Variants in NINL observed in about 807,000 individuals in gnomAD.
NINL encodes the protein ninein-like protein.
NINL carries 153 observed loss-of-function variants against 160.3 expected under a neutral mutation model. The observed-to-expected ratio is 0.95, with a 90% confidence interval of 0.84 to 1.09. The LOEUF is 1.09. Ranked by LOEUF, NINL falls within the 50% of genes least tolerant of loss-of-function variation. NINL has a pLI of 0.00. For synonymous variants in NINL, 800 were observed against 734.8 expected (o/e 1.09, Z -1.43); for missense variants, 1,829 against 1,764.0 (o/e 1.04, Z -0.66).
chr20:25,457,821 C>T (rs1052992374), intron 22 of NINL, among the ~76,000 whole-genome samples: 2 of 152,192 alleles, frequency 1.3e-5, no homozygotes, highest in Non-Finnish European at 2.9e-5. Context: ...GCTTTAAAGT[C>T]GCCAACCCAT....
chr20:25,476,257 G>C lies in NINL; in HGVS notation c.3034C>G (p.His1012Asp), dbSNP rs1257185098. Residue 1012 changes from histidine (H) to aspartate (D), a missense_variant, in exon 17 of 24, where the codon CAC becomes GAC. Physicochemically the swap from His to Asp is moderately conservative, Grantham distance 81 (BLOSUM62 -1). Coordinates refer to ENST00000278886, the MANE Select transcript of NINL (RefSeq NM_025176.6). ...CCTCTCCTGGCAACCTCCACACTGT[G>C]CTTGTGACACCCAGGCTCCAGGGCG... ...EGALEPGCHKHSVEVARRGSL... is the reference protein window; with the variant it reads ...EGALEPGCHKDSVEVARRGSL... 2 of 1,613,812 alleles carry C rather than the reference G, an allele frequency of 1.2e-6. No individual in the cohort carries two copies. The highest frequency in any genetic ancestry group is 1.7e-6 in the Non-Finnish European group (2 of 1,180,004).
intron 1 of NINL, among the ~76,000 whole-genome samples, chr20:25,571,965 G>A (rs2065059316): frequency 6.7e-6 from 1 of 148,698 alleles, no homozygotes; most frequent in South Asian, 2.1e-4. Context: ...ATTTTCAACA[G>A]CACTGAAGCT....
At chr20:25,465,771 CAG>C (rs1568844812) in intron 19 of NINL, among the ~76,000 whole-genome samples, 2 of 152,162 alleles carry the variant, frequency 1.3e-5, no homozygotes, top group Admixed American at 6.5e-5. Flanking sequence ...CATGGCTGAA[CAG>C]AGTCATAGTT....
chr20:25,567,934 A>T (rs2065013184), intron 1 of NINL, among the ~76,000 whole-genome samples: 1 of 152,068 alleles, frequency 6.6e-6, no homozygotes, highest in South Asian at 2.1e-4. Context: ...CAGCTAAAGC[A>T]GTTCTCAGAG....
chr20:25,460,291 G>C (rs2062750843), intron 21 of NINL, among the ~76,000 whole-genome samples: 1 of 152,202 alleles, frequency 6.6e-6, no homozygotes, highest in Non-Finnish European at 1.5e-5. Context: ...GAAGCCCCCA[G>C]CTTCCTGATG....
rs900014565 is a variant in NINL, at chr20:25,476,449, T to C, written c.2842A>G (p.Arg948Gly). The change falls in exon 17 of 24, where the codon AGA becomes GGA. Residue 948 changes from arginine (R) to glycine (G), a missense_variant. Transcript: ENST00000278886. ...ARELPLLGTE[R>G]DASQTQPRMW... is the part of the protein sequence containing the mutation. ...CGTGGCTGGGTTTGCGAGGCGTCTC[T>C]CTCTGTTCCCAGCAGAGGCAGCTCC... 1.9e-6 allele frequency: 3 copies of C among 1,608,340 alleles called. No individual in the cohort carries two copies. The highest frequency in any genetic ancestry group is 2.5e-6 in the Non-Finnish European group (3 of 1,179,794).
chr20:25,516,512 A>G (rs1193963148), intron 3 of NINL, among the ~76,000 whole-genome samples: 1 of 152,166 alleles, frequency 6.6e-6, no homozygotes, highest in East Asian at 1.9e-4. Flanking sequence ...TGCGCCCACC[A>G]TGCACCAAGG....
At chr20:25,513,066 G>C (rs374384498) in intron 3 of NINL, 60 bp from the exon 4 acceptor site, 1 of 1,525,316 alleles carries the variant, frequency 6.6e-7, no homozygotes, top group African/African-American at 1.4e-5. Flanking sequence ...GCCCATGCAG[G>C]CCAGCAGGTA....
chr20:25,461,697 G>A (rs866591851), intron 20 of NINL, 62 bp from the exon 21 acceptor site: 17 of 1,142,510 alleles, frequency 1.5e-5, no homozygotes, highest in African/African-American at 3.1e-5. Context: ...TATGTAATTC[G>A]TGCAAAAACC....
At chr20:25,494,618 G>T (rs2146721872) in intron 10 of NINL, among the ~76,000 whole-genome samples, 1 of 152,346 alleles carries the variant, frequency 6.6e-6, no homozygotes, top group East Asian at 1.9e-4. Context: ...GCGAACAGAG[G>T]CGGGGTGAGG....
chr20:25,537,513 G>A (rs901722786), intron 1 of NINL, among the ~76,000 whole-genome samples: 6 of 152,240 alleles, frequency 3.9e-5, no homozygotes, highest in African/African-American at 1.4e-4. Context: ...CTGGGGAGGT[G>A]TGAAGTTCAT....
At chr20:25,510,101 C>A (rs2064039995) in intron 5 of NINL, among the ~76,000 whole-genome samples, 1 of 152,256 alleles carries the variant, frequency 6.6e-6, no homozygotes, top group African/African-American at 2.4e-5. Flanking sequence ...CCCTTGCACG[C>A]TGCACAGCGC....
chr20:25,458,621 G>A (rs1297236549), intron 21 of NINL, 92 bp from the exon 22 acceptor site: 2 of 1,344,452 alleles, frequency 1.5e-6, no homozygotes, highest in African/African-American at 1.5e-5. Context: ...CCACCTGCAA[G>A]GGCAAGGAAA....
At chr20:25,468,811 GC>G (rs2062999112) in intron 18 of NINL, among the ~76,000 whole-genome samples, 1 of 133,148 alleles carries the variant, frequency 7.5e-6, no homozygotes, top group African/African-American at 2.9e-5. Flanking sequence ...TCACTGGTGG[GC>G]ACCCCCCTAC....
intron 1 of NINL, among the ~76,000 whole-genome samples, chr20:25,578,168 C>T (rs1050211750): frequency 2.7e-5 from 4 of 150,718 alleles, no homozygotes; most frequent in Non-Finnish European, 5.9e-5. Flanking sequence ...AGTGCAGTAG[C>T]GCAATCTTGG....
At chr20:25,465,843 CTT>C (rs1035361793) in intron 19 of NINL, among the ~76,000 whole-genome samples, 18 of 152,264 alleles carry the variant, frequency 1.2e-4, no homozygotes, top group African/African-American at 4.1e-4. Flanking sequence ...GTGCAGGACA[CTT>C]TTTAATAACT....
At chr20:25,457,340 A>T (rs866177123) in intron 22 of NINL, among the ~76,000 whole-genome samples, 3 of 152,300 alleles carry the variant, frequency 2.0e-5, no homozygotes, top group Admixed American at 1.3e-4. Flanking sequence ...AAAACAAAAC[A>T]AAACAAAAAT....
intron 22 of NINL, among the ~76,000 whole-genome samples, chr20:25,456,323 G>A (rs1326001152): frequency 6.7e-5 from 10 of 149,962 alleles, no homozygotes; most frequent in African/African-American, 1.7e-4. Flanking sequence ...TGAGGCGGGC[G>A]GATTACCTGA....
At chr20:25,471,550 C>T (rs1042702351) in intron 17 of NINL, among the ~76,000 whole-genome samples, 3 of 152,272 alleles carry the variant, frequency 2.0e-5, no homozygotes, top group East Asian at 1.9e-4. Flanking sequence ...CAAAGCTGAT[C>T]GCAACCTCTG....
Sources: gnomAD v4.1 joint callset for allele counts (sites outside exome capture counted in the v4.1 genomes callset) on GRCh38, gnomAD v4.1.1 for gene constraint, MANE v1.5 for transcripts, NCBI Gene and HGNC (gene_info 2026-07-23, HGNC 2026-07-21) for gene names.